The following PBX4 variants were observed in gnomAD, a reference collection of about 807,000 sequenced individuals.
PBX4 encodes PBX homeobox 4.
In PBX4, 26 loss-of-function variants were observed where a neutral mutation model predicts 35.1. That is an observed-to-expected ratio of 0.74 (90% confidence interval 0.54 to 1.03). The LOEUF (loss-of-function observed/expected upper bound fraction) is 1.03, where lower values mean the gene tolerates loss of function less well. Among genes scored for constraint, PBX4 ranks in the 50% least tolerant of loss-of-function variants. PBX4 has a pLI of 0.00. For synonymous variants in PBX4, 199 were observed against 204.2 expected (o/e 0.97, Z 0.22); for missense variants, 448 against 504.3 (o/e 0.89, Z 1.07).
At chr19:19,617,839 A>C (rs35437712) in intron 1 of PBX4, among the ~76,000 whole-genome samples, 28,749 of 151,886 alleles carry the variant, frequency 0.19, 3,380 homozygotes, top group East Asian at 0.28. Flanking sequence ...TCCCATTCCC[A>C]GCCACTCACT....
At chr19:19,575,487 C>T (rs1326880412) in intron 2 of PBX4, among the ~76,000 whole-genome samples, 1 of 152,148 alleles carries the variant, frequency 6.6e-6, no homozygotes, top group Non-Finnish European at 1.5e-5. Flanking sequence ...TCTCCTGGCT[C>T]AAAACAGACA....
At chr19:19,568,929 C>T (rs772916907) in intron 5 of PBX4, among the ~76,000 whole-genome samples, 7 of 152,246 alleles carry the variant, frequency 4.6e-5, no homozygotes, top group Admixed American at 2.0e-4. Context: ...TCAGGTCTCT[C>T]TGTGGGTACA....
chr19:19,583,281 A>AAAAACAAAAC (rs201678612), intron 2 of PBX4, among the ~76,000 whole-genome samples: 30 of 151,140 alleles, frequency 2.0e-4, no homozygotes, highest in East Asian at 1.4e-3. Flanking sequence ...TCCGTCTCAA[A>AAAAACAAAAC]AAAACAAAAC....
chr19:19,581,034 G>A (rs1278967538), intron 2 of PBX4, among the ~76,000 whole-genome samples: 1 of 152,142 alleles, frequency 6.6e-6, no homozygotes, highest in Non-Finnish European at 1.5e-5. Context: ...CGCCCGACCA[G>A]ATTTTACCTT....
At chr19:19,576,487 G>A (rs928721331) in intron 2 of PBX4, among the ~76,000 whole-genome samples, 2 of 151,900 alleles carry the variant, frequency 1.3e-5, no homozygotes, top group African/African-American at 2.4e-5. Context: ...ACCTCCCAAA[G>A]TGCTGGGATT....
At chr19:19,584,241 A>C (rs2061474687) in intron 2 of PBX4, among the ~76,000 whole-genome samples, 1 of 152,212 alleles carries the variant, frequency 6.6e-6, no homozygotes, top group Non-Finnish European at 1.5e-5. Flanking sequence ...CTGATTCAAA[A>C]AAATAAAAAA....
intron 2 of PBX4, among the ~76,000 whole-genome samples, chr19:19,593,805 G>A (rs1001372063): frequency 1.3e-5 from 2 of 152,094 alleles, no homozygotes; most frequent in East Asian, 1.9e-4. Flanking sequence ...GCCCTGCAGC[G>A]GCCTTGGGAC....
intron 5 of PBX4, among the ~76,000 whole-genome samples, chr19:19,566,991 G>A (rs1307509813): frequency 2.6e-5 from 4 of 152,164 alleles, no homozygotes; most frequent in South Asian, 2.1e-4. Flanking sequence ...TTTCAGGCAT[G>A]AGCCACCATG....
At chr19:19,601,327 C>A (rs879391761) in intron 1 of PBX4, among the ~76,000 whole-genome samples, 3 of 152,106 alleles carry the variant, frequency 2.0e-5, no homozygotes, top group Non-Finnish European at 4.4e-5. Flanking sequence ...CTGTTTGAGA[C>A]CAGGCTGCTG....
chr19:19,571,002 G>A (rs937827782), intron 2 of PBX4, 169 bp from the exon 3 acceptor site: 46 of 839,676 alleles, frequency 5.5e-5, no homozygotes, highest in Admixed American at 3.6e-4. Context: ...TGAGCACCCC[G>A]CTAAGACATG....
chr19:19,594,250 A>G (rs989316062), intron 2 of PBX4, among the ~76,000 whole-genome samples: 5 of 151,750 alleles, frequency 3.3e-5, no homozygotes, highest in Non-Finnish European at 7.4e-5. Flanking sequence ...TACTAAATAC[A>G]AAAAATTAGC....
chr19:19,604,077 G>A (rs117286556), intron 1 of PBX4, among the ~76,000 whole-genome samples: 5,942 of 151,954 alleles, frequency 0.039, 188 homozygotes, highest in Non-Finnish European at 0.053. Flanking sequence ...CTATAACTCT[G>A]TCATCCAAGC....
chr19:19,613,418 A>C (rs1334147018), intron 1 of PBX4, among the ~76,000 whole-genome samples: 1 of 148,418 alleles, frequency 6.7e-6, no homozygotes, highest in East Asian at 2.0e-4. Flanking sequence ...CAGTGAGCCA[A>C]GAACACGCCA....
Position 19,577,454 on chromosome 19 carries a change from G to A in PBX4, c.194-6621C>T, listed in dbSNP as rs1238516311. 2.0e-5 allele frequency among the ~76,000 whole-genome samples: 3 copies of A among 152,212 alleles called. No homozygotes were observed. The East Asian group carries it at 5.8e-4, about 29-fold the overall frequency. On this transcript the variant is annotated intron_variant, in intron 2 of 7. Coordinates refer to ENST00000251203, the MANE Select transcript of PBX4 (RefSeq NM_025245.3). The stretch of plus-strand genomic sequence containing the variant: ...CGTGGGCGACCAGAAGGGTGCAGAT[G>A]TGCATGAGTTTGGGCACAGACAGCA...
At chr19:19,601,854 G>A (rs1300876029) in intron 1 of PBX4, among the ~76,000 whole-genome samples, 1 of 152,118 alleles carries the variant, frequency 6.6e-6, no homozygotes, top group Non-Finnish European at 1.5e-5. Flanking sequence ...CTGACCTACC[G>A]AAATGTAAAA....
At chr19:19,601,705 T>C (rs530249972) in intron 1 of PBX4, among the ~76,000 whole-genome samples, 1 of 152,240 alleles carries the variant, frequency 6.6e-6, no homozygotes, top group South Asian at 2.1e-4. Context: ...AGATACTATG[T>C]TGCTGGCCTT....
In PBX4 at chr19:19,618,610, G is replaced by GGGCGC; in HGVS notation, c.15_19dup (p.Pro7ArgfsTer40). ...CCGCGGGGCGGGGGGCGATGGCGCG[G>GGGCGC]GGCGCGGCGGGGCGGCCATGAGCGG... On this transcript the variant is annotated frameshift_variant, in exon 1 of 8. Coordinates refer to ENST00000251203, the MANE Select transcript of PBX4 (RefSeq NM_025245.3). LOFTEE classifies it high-confidence loss of function. The GGGCGC allele has an allele frequency of 1.6e-6, 2 of 1,257,924 alleles. No individual in the cohort carries two copies. The highest frequency in any genetic ancestry group is 2.0e-6 in the Non-Finnish European group (2 of 1,000,250). The allele number at this position is 1,257,924 out of a possible 1,614,324, so 77.9% of individuals were successfully genotyped here.
At chr19:19,587,976 C>G in intron 2 of PBX4, 1 of 460,322 alleles carries the variant, frequency 2.2e-6, no homozygotes, top group South Asian at 2.4e-5. Context: ...CCAGCAGGCA[C>G]TCCTGGTGAT....
Position 19,563,231 on chromosome 19 carries a change from G to A in PBX4, c.1032+278C>T, listed in dbSNP as rs1193644622. ...GTCCTCCCACAGTCCTCTAGGAGGT[G>A]CCCTTCCCCTCCACAGCCAAAGCCC... On this transcript the variant is annotated intron_variant, in intron 7 of 7. Coordinates refer to ENST00000251203, the MANE Select transcript of PBX4 (RefSeq NM_025245.3). This position sits in a 1 kb window ranked among gnomAD's most constrained non-coding sequence, Gnocchi z 5.1. 6.6e-6 allele frequency among the ~76,000 whole-genome samples: 1 copy of A among 152,138 alleles called. No homozygotes were observed. The highest frequency in any genetic ancestry group is 1.5e-5 in the Non-Finnish European group (1 of 68,008).
Sources: gnomAD v4.1 joint callset for allele counts (sites outside exome capture counted in the v4.1 genomes callset) on GRCh38, gnomAD v4.1.1 for gene constraint, Gnocchi (gnomAD v3.1) non-coding constraint, MANE v1.5 for transcripts, NCBI Gene and HGNC (gene_info 2026-07-23, HGNC 2026-07-21) for gene names.